UTP14C: variants seen among roughly 807,000 people sequenced by gnomAD.
The protein encoded by UTP14C is U3 small nucleolar RNA-associated protein 14 homolog C.
UTP14C carries 10 observed loss-of-function variants against 14.6 expected under a neutral mutation model. The observed-to-expected ratio is 0.68, with a 90% CI of 0.42 to 1.16. UTP14C has a LOEUF of 1.16. Among genes scored for constraint, UTP14C ranks in the 50% most tolerant of loss-of-function variants. The pLI is 0.00. For missense variants in UTP14C, 818 were observed against 890.8 expected (o/e 0.92, Z 1.04); for synonymous variants, 315 against 331.6 (o/e 0.95, Z 0.54).
Position 52,029,441 on chromosome 13 carries a change from G to C in UTP14C, c.637G>C (p.Ala213Pro). Residue 213 changes from alanine (A) to proline (P), a missense_variant, in exon 2 of 2, where the codon GCC becomes CCC. Transcript: ENST00000521776. ...LTPMEKASLQAMSLEEAKMHR... is the reference protein window; with the variant it reads ...LTPMEKASLQPMSLEEAKMHR... Reference sequence around the variant, plus strand: ...TCCCATGGAAAAGGCCTCTCTCCAAGCCATGAGCCTGGAAGAGGCAAAGAT... The same window carrying C: ...TCCCATGGAAAAGGCCTCTCTCCAACCCATGAGCCTGGAAGAGGCAAAGAT... 3.1e-6 allele frequency: 5 copies of C among 1,614,202 alleles called. 1 individual carries two copies. The South Asian group carries it at 5.5e-5, about 18-fold the overall frequency.
rs982147063 is a variant in UTP14C at position 52,029,901 on chromosome 13, A to C, written c.1097A>C (p.Asn366Thr). 2.5e-6 allele frequency: 4 copies of C among 1,614,096 alleles called. No individual in the cohort carries two copies. The African/African-American group carries it at 4.0e-5, about 16-fold the overall frequency. The change falls in exon 2 of 2, where the codon AAT (asparagine) becomes ACT (threonine). Residue 366 changes from asparagine (N) to threonine (T), a missense_variant. By Grantham distance (65) the Asn-to-Thr change is moderately conservative (BLOSUM62 0). Transcript: ENST00000521776. ...VPHVANEVQM[N>T]VDGPNPWMFR... Reference sequence around the variant, plus strand: ...CATGTAGCGAATGAAGTGCAGATGAATGTGGACGGACCGAATCCCTGGATG... The same window carrying C: ...CATGTAGCGAATGAAGTGCAGATGACTGTGGACGGACCGAATCCCTGGATG...
In UTP14C at chr13:52,028,643, A is replaced by G. The variant is rs1410558702; in HGVS notation, c.-162A>G. 1.9e-6 allele frequency: 3 copies of G among 1,566,406 alleles called. No individual in the cohort carries two copies. Among genetic ancestry groups the G allele is most frequent in the Non-Finnish European group, 2.6e-6 (3 of 1,143,932 alleles). On this transcript the variant is annotated 5_prime_UTR_variant, in exon 2 of 2. Coordinates refer to ENST00000521776, the MANE Select transcript of UTP14C (RefSeq NM_021645.6). ...TTATATAAACTGGTTAAACACCTTC[A>G]TATGTAAATATTTTTCTAAATTCAA...
Position 52,028,312 on chromosome 13 carries a change from T to C in UTP14C, c.-486-7T>C, listed in dbSNP as rs2140846961. On this transcript the variant is annotated splice_region_variant and splice_polypyrimidine_tract_variant and intron_variant, in intron 1 of 1. Transcript: ENST00000521776. Reference sequence around the variant, plus strand: ...AAAGATTACATGATTTGTGTTTTTTTTCTCAGGAGTTGTGGAGTGTATGGC... The same window carrying C: ...AAAGATTACATGATTTGTGTTTTTTCTCTCAGGAGTTGTGGAGTGTATGGC... 6.2e-7 allele frequency: 1 copy of C among 1,614,208 alleles called. No homozygotes were observed.
intron 1 of UTP14C, among the ~76,000 whole-genome samples, chr13:52,026,885 T>C (rs911986649): frequency 2.0e-5 from 3 of 152,136 alleles, no homozygotes; most frequent in Non-Finnish European, 4.4e-5. Context: ...CCCGTGGATG[T>C]GGTTAAGATC....
At position 52,030,899 on chromosome 13, in the gene UTP14C, C is replaced by T. The variant is rs1391058593; in HGVS notation, c.2095C>T (p.Gln699Ter). ...CCATCGGCAATTTGAAAGGACCATC[C>T]AGACCCCTATAGGATCCACATGGAA... is the stretch of plus-strand genomic sequence containing the variant. ...THHRQFERTI[Q>*]TPIGSTWNTQ... Residue 699 changes from glutamine (Q) to a stop codon, truncating the protein, a stop_gained, in exon 2 of 2, where the codon CAG (glutamine) becomes TAG (stop). Transcript: ENST00000521776. LOFTEE classifies it high-confidence loss of function. 6.2e-7 allele frequency: 1 copy of T among 1,614,174 alleles called. No homozygotes were observed. Among genetic ancestry groups the T allele is most frequent in the Admixed American group, 1.7e-5 (1 of 60,026 alleles).
In UTP14C at chr13:52,029,933, A is replaced by G. The variant is rs1324501852; in HGVS notation, c.1129A>G (p.Ser377Gly). The G allele has an allele frequency of 6.2e-7, 1 of 1,614,210 alleles. No individual in the cohort carries two copies. The highest frequency in any genetic ancestry group is 8.5e-7 in the Non-Finnish European group (1 of 1,180,040). Reference protein sequence around the residue: ...VDGPNPWMFRSCTSDTKEAAT... With the variant: ...VDGPNPWMFRGCTSDTKEAAT... ...CGGACCGAATCCCTGGATGTTCAGG[A>G]GCTGCACCAGTGACACCAAAGAGGC... The change falls in exon 2 of 2, where the codon AGC (serine) becomes GGC (glycine). Residue 377 changes from serine (S) to glycine (G), a missense_variant. Coordinates refer to ENST00000521776, the MANE Select transcript of UTP14C (RefSeq NM_021645.6).
At chr13:52,026,179 G>A (rs1227303064) in intron 1 of UTP14C, among the ~76,000 whole-genome samples, 1 of 152,190 alleles carries the variant, frequency 6.6e-6, no homozygotes, top group Non-Finnish European at 1.5e-5. Flanking sequence ...GTGCGGGCAG[G>A]GAACAGTTGC....
chr13:52,025,348 C>G (rs1358039794), intron 1 of UTP14C, among the ~76,000 whole-genome samples: 2 of 152,208 alleles, frequency 1.3e-5, no homozygotes, highest in African/African-American at 4.8e-5. Flanking sequence ...CATTTTCTCT[C>G]TCCATCTAAC....
At position 52,029,134 on chromosome 13, in the gene UTP14C, A is replaced by G. The variant is rs945304110; in HGVS notation, c.330A>G (p.Lys110=). The G allele has an allele frequency of 3.1e-6, 5 of 1,614,126 alleles. No homozygotes were observed. In the African/African-American group the frequency reaches 5.3e-5, roughly 17 times the overall value. ...ATVKKQLNRV[K]SKKVVELPLN... ...TAAAAAAGCAACTGAATAGAGTCAAATCAAAGAAGGTGGTGGAGTTACCTC... is the reference window on the plus strand; with the variant it reads ...TAAAAAAGCAACTGAATAGAGTCAAGTCAAAGAAGGTGGTGGAGTTACCTC... Residue 110 remains lysine (K), a synonymous_variant, in exon 2 of 2, where the codon AAA becomes AAG. Transcript: ENST00000521776.
Position 52,029,702 on chromosome 13 carries a change from A to T in UTP14C, c.898A>T (p.Asn300Tyr), listed in dbSNP as rs149660675. The T allele has an allele frequency of 4.5e-4, 721 of 1,614,230 alleles. 1 individual carries two copies. Among genetic ancestry groups the T allele is most frequent in the Non-Finnish European group, 1.6e-4 (190 of 1,180,036 alleles). ...MMERMSLKHQ[N>Y]SGKWAKSKAI... ...GGAAAGAATGAGCCTTAAGCACCAAAACAGTGGGAAATGGGCCAAGTCAAA... is the reference window on the plus strand; with the variant it reads ...GGAAAGAATGAGCCTTAAGCACCAATACAGTGGGAAATGGGCCAAGTCAAA... The change falls in exon 2 of 2, where the codon AAC becomes TAC. Residue 300 changes from asparagine (N) to tyrosine (Y), a missense_variant. Physicochemically the swap from Asn to Tyr is moderately radical, Grantham distance 143 (BLOSUM62 -2). Transcript: ENST00000521776.
chr13:52,026,056 T>C (rs2140842509), intron 1 of UTP14C, among the ~76,000 whole-genome samples: 1 of 152,304 alleles, frequency 6.6e-6, no homozygotes, highest in Admixed American at 6.5e-5. Context: ...CCTCTGGTGG[T>C]ACCAACAGGC....
rs1055041 is a variant in UTP14C, at chr13:52,031,218, G to C, written c.*113G>C. 2.1e-6 allele frequency: 3 copies of C among 1,462,724 alleles called. No individual in the cohort carries two copies. Among genetic ancestry groups the C allele is most frequent in the Non-Finnish European group, 2.7e-6 (3 of 1,096,810 alleles). The allele number at this position is 1,462,724 out of a possible 1,614,324, so 90.6% of individuals were successfully genotyped here. On this transcript the variant is annotated 3_prime_UTR_variant, in exon 2 of 2. Coordinates refer to ENST00000521776, the MANE Select transcript of UTP14C (RefSeq NM_021645.6). ...CTGGCTCAGCACATTGCATGTAGTT[G>C]AGCCACATTTTTTAAAAAAAGAAAA...
At chr13:52,027,621 A>G (rs1356684725) in intron 1 of UTP14C, among the ~76,000 whole-genome samples, 15 of 152,204 alleles carry the variant, frequency 9.9e-5, no homozygotes, top group Admixed American at 9.8e-4. Context: ...GGCTAGAGTA[A>G]TTTATATTTC....
At chr13:52,026,847 T>A (rs1954245944) in intron 1 of UTP14C, among the ~76,000 whole-genome samples, 1 of 152,126 alleles carries the variant, frequency 6.6e-6, no homozygotes, top group Admixed American at 6.5e-5. Context: ...AAATGAGGAT[T>A]GTCCTTGTGC....
rs1954223496 is a variant in UTP14C at position 52,024,816 on chromosome 13, G to A, written c.-608G>A. On this transcript the variant is annotated 5_prime_UTR_variant, in exon 1 of 2. Transcript: ENST00000521776. ...TAAACCAACTGAGAAGGCTGTCTGA[G>A]GATTTAGGAGTTCAAGAATATGTGG... The A allele has an allele frequency of 6.2e-7, 1 of 1,613,914 alleles. No individual in the cohort carries two copies. The highest frequency in any genetic ancestry group is 8.5e-7 in the Non-Finnish European group (1 of 1,179,930).
At chr13:52,025,412 A>C (rs1360715270) in intron 1 of UTP14C, among the ~76,000 whole-genome samples, 1 of 152,162 alleles carries the variant, frequency 6.6e-6, no homozygotes, top group Non-Finnish European at 1.5e-5. Context: ...ATCCTACAGA[A>C]TGGCCAAATG....
Position 52,030,449 on chromosome 13 carries a change from G to A in UTP14C, c.1645G>A (p.Glu549Lys), listed in dbSNP as rs112621623. Residue 549 changes from glutamate to lysine, a missense_variant, in exon 2 of 2, where the codon GAG becomes AAG. Physicochemically the swap from Glu to Lys is moderately conservative, Grantham distance 56. Coordinates refer to ENST00000521776, the MANE Select transcript of UTP14C (RefSeq NM_021645.6). ...TPNNRPDAPK[E>K]KKEKEQLINL... Reference sequence around the variant, plus strand: ...AAATAATCGGCCTGATGCCCCTAAGGAGAAGAAAGAGAAGGAGCAACTGAT... The same window carrying A: ...AAATAATCGGCCTGATGCCCCTAAGAAGAAGAAAGAGAAGGAGCAACTGAT... 1.9e-6 allele frequency: 3 copies of A among 1,614,212 alleles called. No individual in the cohort carries two copies. The highest frequency in any genetic ancestry group is 2.5e-6 in the Non-Finnish European group (3 of 1,180,034).
rs1390054010 is a variant in UTP14C, at chr13:52,030,801, T to C, written c.1997T>C (p.Val666Ala). The C allele has an allele frequency of 6.2e-7, 1 of 1,614,160 alleles. No homozygotes were observed. The highest frequency in any genetic ancestry group is 1.7e-5 in the Admixed American group (1 of 60,034). ...AGAAAAGATAAGAATTTGCCAAATG[T>C]GATTATCAGTGAGAAGCGCAACATC... ...PPRKDKNLPN[V>A]IISEKRNIHA... The change falls in exon 2 of 2, where the codon GTG becomes GCG. Residue 666 changes from valine to alanine, a missense_variant. By Grantham distance (64) the Val-to-Ala change is moderately conservative. Coordinates refer to ENST00000521776, the MANE Select transcript of UTP14C (RefSeq NM_021645.6).
intron 1 of UTP14C, among the ~76,000 whole-genome samples, chr13:52,027,257 G>C (rs1055500097): frequency 4.6e-5 from 7 of 152,262 alleles, no homozygotes; most frequent in African/African-American, 1.7e-4. Flanking sequence ...GTACGGGGAG[G>C]GGGAGAAGAG....
Sources: gnomAD v4.1 joint callset for allele counts (sites outside exome capture counted in the v4.1 genomes callset) on GRCh38, gnomAD v4.1.1 for gene constraint, MANE v1.5 for transcripts, NCBI Gene and HGNC (gene_info 2026-07-23, HGNC 2026-07-21) for gene names.